The following NKAIN3 variants were observed in gnomAD, a reference collection of about 807,000 sequenced individuals.
NKAIN3 encodes sodium/potassium transporting ATPase interacting 3.
Under a neutral mutation model 30.2 loss-of-function variants are expected in NKAIN3, and 25 were observed. That is an observed-to-expected ratio of 0.83 (90% CI 0.60 to 1.16). The LOEUF (loss-of-function observed/expected upper bound fraction) is 1.16, where lower values mean the gene tolerates loss of function less well. Ranked by LOEUF, NKAIN3 falls within the 50% of genes most tolerant of loss-of-function variation. The pLI is 0.00. For synonymous variants in NKAIN3, 91 were observed against 89.6 expected, an observed-to-expected ratio of 1.02 and a Z score of -0.09; for missense variants, 225 against 254.1, an observed-to-expected ratio of 0.89 and a Z score of 0.78.
rs1343242868 is a variant in NKAIN3, at chr8:62,980,772, G to C, written c.*15365G>C. Reference sequence around the variant, plus strand: ...TGGAGAATGGAATGTTGGACAATTTGTGTGGCATGCTTAGCTTAATTTGTT... The same window carrying C: ...TGGAGAATGGAATGTTGGACAATTTCTGTGGCATGCTTAGCTTAATTTGTT... On this transcript the variant is annotated 3_prime_UTR_variant, in exon 7 of 7. Transcript: ENST00000623646. 1 of 152,190 alleles carries C rather than the reference G, an allele frequency of 6.6e-6. No individual in the cohort carries two copies. Among genetic ancestry groups the C allele is most frequent in the East Asian group, 1.9e-4 (1 of 5,202 alleles). 9.4% of individuals were successfully genotyped at this position (152,190 alleles called of 1,614,324 possible). A position where few individuals can be genotyped will look rare whatever the true frequency, so the allele number is the denominator to read the frequency against.
intron 3 of NKAIN3, among the ~76,000 whole-genome samples, chr8:62,717,762 C>G (rs1814954457): frequency 6.6e-6 from 1 of 151,996 alleles, no homozygotes; most frequent in Non-Finnish European, 1.5e-5. Context: ...CCCAAAAAAT[C>G]TTTGTGATGG....
chr8:62,912,138 A>G (rs1821940550), intron 4 of NKAIN3, among the ~76,000 whole-genome samples: 1 of 152,234 alleles, frequency 6.6e-6, no homozygotes, highest in African/African-American at 2.4e-5. Flanking sequence ...TACTATAGGC[A>G]ATTGTAACAC....
chr8:62,636,974 T>G (rs887959043), intron 3 of NKAIN3, among the ~76,000 whole-genome samples: 1 of 152,162 alleles, frequency 6.6e-6, no homozygotes, highest in Non-Finnish European at 1.5e-5. Flanking sequence ...AGCTTTCTTA[T>G]TTTACGTGAA....
intron 1 of NKAIN3, among the ~76,000 whole-genome samples, chr8:62,449,081 A>G (rs763400212): frequency 2.0e-5 from 3 of 152,014 alleles, no homozygotes; most frequent in Non-Finnish European, 4.4e-5. Context: ...AGAAACACTA[A>G]GTGTTTAAAA....
chr8:62,554,721 A>G (rs555744709), intron 1 of NKAIN3, among the ~76,000 whole-genome samples: 132 of 152,260 alleles, frequency 8.7e-4, no homozygotes, highest in Non-Finnish European at 1.7e-3. Flanking sequence ...TTCAAAATAA[A>G]TCACAAAATT....
At chr8:62,725,444 G>T (rs1194760672) in intron 3 of NKAIN3, among the ~76,000 whole-genome samples, 1 of 151,920 alleles carries the variant, frequency 6.6e-6, no homozygotes, top group Non-Finnish European at 1.5e-5. Context: ...AGAAATCTTT[G>T]CCCACCCAAA....
intron 5 of NKAIN3, among the ~76,000 whole-genome samples, chr8:62,950,604 G>T (rs556591256): frequency 1.3e-5 from 2 of 151,792 alleles, no homozygotes; most frequent in South Asian, 4.2e-4. Context: ...TGCAGAGAAG[G>T]TATAGCCAAA....
chr8:62,444,864 C>T (rs1012651863), intron 1 of NKAIN3, among the ~76,000 whole-genome samples: 1 of 152,180 alleles, frequency 6.6e-6, no homozygotes, highest in African/African-American at 2.4e-5. Context: ...TTCTTACCAG[C>T]ATCCATTATT....
rs115926737 is a variant in NKAIN3 at position 62,659,737 on chromosome 8, C to T, written c.273+69943C>T. ...TTTGGCTGTGTCCCCACCCAGGTCT[C>T]ATCTTGAATTTTTATGTGTTGTGGG... On this transcript the variant is annotated intron_variant, in intron 3 of 6. Transcript: ENST00000623646. 1.5e-3 allele frequency among the ~76,000 whole-genome samples: 229 copies of T among 152,256 alleles called. 1 individual carries two copies. Among genetic ancestry groups the T allele is most frequent in the African/African-American group, 5.3e-3 (220 of 41,560 alleles).
intron 4 of NKAIN3, among the ~76,000 whole-genome samples, chr8:62,758,811 C>T (rs1156474679): frequency 1.3e-5 from 2 of 152,118 alleles, no homozygotes; most frequent in African/African-American, 4.8e-5. Flanking sequence ...TCAGAATGGT[C>T]CCTATTGCAA....
At chr8:62,372,809 A>G (rs1044314096) in intron 1 of NKAIN3, among the ~76,000 whole-genome samples, 3 of 152,094 alleles carry the variant, frequency 2.0e-5, no homozygotes, top group Admixed American at 6.5e-5. Context: ...ACCACTTTTT[A>G]TAAGAGTCTC....
intron 1 of NKAIN3, among the ~76,000 whole-genome samples, chr8:62,375,463 T>C (rs1817045225): frequency 6.6e-6 from 1 of 151,932 alleles, no homozygotes; most frequent in Admixed American, 6.6e-5. Flanking sequence ...GACCTGAGAG[T>C]CAGAGAGATC....
At chr8:62,806,823 AAT>A (rs1818303602) in intron 4 of NKAIN3, among the ~76,000 whole-genome samples, 1 of 151,578 alleles carries the variant, frequency 6.6e-6, no homozygotes, top group Non-Finnish European at 1.5e-5. Flanking sequence ...AAAATAAAAT[AAT>A]ATAAAAAAAT....
chr8:62,601,386 G>A (rs142483687), intron 3 of NKAIN3, among the ~76,000 whole-genome samples: 2 of 152,058 alleles, frequency 1.3e-5, no homozygotes, highest in East Asian at 3.9e-4. Flanking sequence ...AAATTGTACA[G>A]AAATAGCATC....
At position 62,539,319 on chromosome 8, in the gene NKAIN3, C is replaced by T. The variant is rs548858076; in HGVS notation, c.55-40220C>T. Among the ~76,000 whole-genome samples, 4 of 152,286 alleles carry T rather than the reference C, an allele frequency of 2.6e-5. No homozygotes were observed. The East Asian group carries it at 5.8e-4, about 22-fold the overall frequency. On this transcript the variant is annotated intron_variant, in intron 1 of 6. Coordinates refer to ENST00000623646, the MANE Select transcript of NKAIN3 (RefSeq NM_001304533.3). ...AGTTATCAGAATTGCAAAATGCAAA[C>T]ATCCAAAACAATGAAGGGAAACTAA...
rs1376985070 is a variant in NKAIN3 at position 62,471,134 on chromosome 8, T to C, written c.55-108405T>C. Among the ~76,000 whole-genome samples the C allele has an allele frequency of 2.0e-5, 3 of 152,158 alleles. No homozygotes were observed. The East Asian group carries it at 5.8e-4, about 29-fold the overall frequency. On this transcript the variant is annotated intron_variant, in intron 1 of 6. Transcript: ENST00000623646. ...TGCAGTAGGATTGCAATTATCTAAA[T>C]CTTTAAAACTCACAAACATTGTTTA...
chr8:62,403,925 T>C (rs1029617374), intron 1 of NKAIN3, among the ~76,000 whole-genome samples: 2 of 152,200 alleles, frequency 1.3e-5, no homozygotes, highest in South Asian at 2.1e-4. Context: ...TGAAAGCAGC[T>C]GGGAGGGGGA....
chr8:62,320,719 C>T (rs914080680), intron 1 of NKAIN3, among the ~76,000 whole-genome samples: 5 of 152,210 alleles, frequency 3.3e-5, no homozygotes, highest in Non-Finnish European at 7.3e-5. Context: ...GTCTGATGGG[C>T]TTCCCTTTGT....
intron 1 of NKAIN3, among the ~76,000 whole-genome samples, chr8:62,422,230 G>T (rs75471151): frequency 6.6e-5 from 10 of 152,144 alleles, no homozygotes; most frequent in Admixed American, 1.3e-4. Flanking sequence ...AATAAAAGAT[G>T]ATCTTAAAAG....
Sources: gnomAD v4.1 joint callset for allele counts (sites outside exome capture counted in the v4.1 genomes callset) on GRCh38, gnomAD v4.1.1 for gene constraint, MANE v1.5 for transcripts, NCBI Gene and HGNC (gene_info 2026-07-23, HGNC 2026-07-21) for gene names.